The following TGFBR3 variants were observed in gnomAD, a reference collection of about 807,000 sequenced individuals.
TGFBR3 encodes transforming growth factor beta receptor type 3.
A neutral mutation model predicts 87.9 loss-of-function variants in TGFBR3; 46 were observed. The ratio of observed to expected loss-of-function variants is 0.52; its 90% CI spans 0.41 to 0.67. The LOEUF is 0.67. Among genes scored for constraint, TGFBR3 ranks in the 30% least tolerant of loss-of-function variants. The pLI is 0.00. For missense variants in TGFBR3, 866 were observed against 1,041.9 expected (o/e 0.83, Z 2.32); for synonymous variants, 381 against 391.6 (o/e 0.97, Z 0.32).
intron 5 of TGFBR3, among the ~76,000 whole-genome samples, chr1:91,730,595 A>G (rs1672732830): frequency 6.6e-6 from 1 of 152,194 alleles, no homozygotes; most frequent in Admixed American, 6.5e-5. Context: ...TTTCATGGTC[A>G]GCGTATTTAA....
intron 3 of TGFBR3, chr1:91,783,153 A>T (rs1304034287): frequency 6.6e-6 from 1 of 152,236 alleles, no homozygotes; most frequent in African/African-American, 2.4e-5. Context: ...AGTGAGAATC[A>T]GTAACACCTC....
chr1:91,859,268 T>G (rs1030827195), intron 2 of TGFBR3, among the ~76,000 whole-genome samples: 2 of 152,106 alleles, frequency 1.3e-5, no homozygotes, highest in Non-Finnish European at 2.9e-5. Context: ...ATAAAGTGCC[T>G]TCTTCAGTTG....
chr1:91,741,660 T>C (rs1035680058), intron 4 of TGFBR3, among the ~76,000 whole-genome samples: 1 of 152,056 alleles, frequency 6.6e-6, no homozygotes, highest in African/African-American at 2.4e-5. Context: ...CTCACCAGCA[T>C]ACAAAAAGGT....
intron 5 of TGFBR3, among the ~76,000 whole-genome samples, chr1:91,733,764 C>T (rs1188256817): frequency 6.6e-6 from 1 of 152,156 alleles, no homozygotes; most frequent in Non-Finnish European, 1.5e-5. Flanking sequence ...TGGCCAGGTG[C>T]GGTGGCTCAT....
At chr1:91,767,393 T>C (rs1336041605) in intron 3 of TGFBR3, among the ~76,000 whole-genome samples, 1 of 132,934 alleles carries the variant, frequency 7.5e-6, no homozygotes, top group Non-Finnish European at 1.6e-5. Flanking sequence ...GAGTAATTAC[T>C]AAGACATGAA....
chr1:91,789,262 G>A (rs10783026), intron 3 of TGFBR3, among the ~76,000 whole-genome samples: 29,081 of 152,044 alleles, frequency 0.19, 3,760 homozygotes, highest in African/African-American at 0.36. Flanking sequence ...AGCCAAGATC[G>A]TGCCACTGCA....
intron 3 of TGFBR3, among the ~76,000 whole-genome samples, chr1:91,793,863 C>G (rs1675280629): frequency 2.0e-5 from 3 of 151,476 alleles, no homozygotes; most frequent in Non-Finnish European, 2.9e-5. Context: ...GCCTCTGGCC[C>G]TCCTACTATT....
In TGFBR3 at chr1:91,904,563, ATT is replaced by A. The variant is rs111512659; in HGVS notation, c.-175+1261_-175+1262del. Among the ~76,000 whole-genome samples the A allele has an allele frequency of 2.5e-3, 285 of 115,084 alleles. 1 individual carries two copies. The highest frequency in any genetic ancestry group is 8.7e-3 in the African/African-American group (266 of 30,408). 75.5% of individuals were successfully genotyped at this position (115,084 alleles called of 152,430 possible). On this transcript the variant is annotated intron_variant, in intron 1 of 17. Coordinates refer to the TGFBR3 transcript ENST00000370399. The stretch of plus-strand genomic sequence containing the variant: ...AGACGCGTGCCACCACATGCAGCTG[ATT>A]TTTTTTTTTTTTTTTTGAGGTGGAG...
intron 2 of TGFBR3, among the ~76,000 whole-genome samples, chr1:91,857,085 T>C (rs1471564042): frequency 6.6e-6 from 1 of 152,202 alleles, no homozygotes; most frequent in Non-Finnish European, 1.5e-5. Context: ...AAGCCCTTGA[T>C]AAATGACAGC....
chr1:91,747,781 A>C (rs182038471), intron 4 of TGFBR3, among the ~76,000 whole-genome samples: 2 of 152,358 alleles, frequency 1.3e-5, no homozygotes, highest in East Asian at 3.9e-4. Flanking sequence ...AATCCATTGA[A>C]AGCCATTAAG....
intron 3 of TGFBR3, among the ~76,000 whole-genome samples, chr1:91,784,395 T>C (rs1674883394): frequency 6.6e-6 from 1 of 152,168 alleles, no homozygotes; most frequent in African/African-American, 2.4e-5. Context: ...CCAATTTGCA[T>C]AATGCAAAAA....
chr1:91,729,033 TAC>T (rs56158224), intron 6 of TGFBR3, among the ~76,000 whole-genome samples: 5,761 of 89,480 alleles, frequency 0.064, 458 homozygotes, highest in African/African-American at 0.14. Context: ...CACTCCAGCA[TAC>T]ACACACACAC....
At chr1:91,788,493 G>A (rs1195034298) in intron 3 of TGFBR3, among the ~76,000 whole-genome samples, 1 of 152,206 alleles carries the variant, frequency 6.6e-6, no homozygotes, top group African/African-American at 2.4e-5. Context: ...ATAATTAAAC[G>A]TGTCTAAACT....
intron 3 of TGFBR3, among the ~76,000 whole-genome samples, chr1:91,759,948 A>G (rs1673900468): frequency 1.3e-5 from 2 of 152,168 alleles, no homozygotes; most frequent in Admixed American, 1.3e-4. Context: ...ATCTCAACAT[A>G]CTTCTACCTT....
intron 13 of TGFBR3, among the ~76,000 whole-genome samples, chr1:91,710,909 G>A (rs886804160): frequency 1.3e-5 from 2 of 152,174 alleles, no homozygotes; most frequent in Non-Finnish European, 2.9e-5. Flanking sequence ...GTCATCCCCT[G>A]AGGCTTAGAA....
intron 1 of TGFBR3, among the ~76,000 whole-genome samples, chr1:91,873,458 T>C (rs914454306): frequency 3.3e-5 from 5 of 150,194 alleles, no homozygotes; most frequent in South Asian, 2.1e-4. Flanking sequence ...AATTTTTGTA[T>C]TTTTTTTTAG....
chr1:91,831,294 G>A (rs994125959), intron 2 of TGFBR3, among the ~76,000 whole-genome samples: 2 of 152,024 alleles, frequency 1.3e-5, no homozygotes, highest in Non-Finnish European at 2.9e-5. Flanking sequence ...CTTGGCTAGA[G>A]CCCAAGGAAG....
chr1:91,695,797 C>A lies in TGFBR3; in HGVS notation c.2330-18G>T. On this transcript the variant is annotated intron_variant, in intron 15 of 16. Coordinates refer to ENST00000212355, the MANE Select transcript of TGFBR3 (RefSeq NM_003243.5). ...GAAAATTGCTATAAAGGAGAGAAAC[C>A]GATACACACAACTTTTTGGTTAGTC... is the stretch of plus-strand genomic sequence containing the variant. 1 of 1,605,918 alleles carries A rather than the reference C, an allele frequency of 6.2e-7. No individual in the cohort carries two copies. The highest frequency in any genetic ancestry group is 1.1e-5 in the South Asian group (1 of 90,902).
chr1:91,786,808 A>T (rs1187749845), intron 3 of TGFBR3, among the ~76,000 whole-genome samples: 2 of 152,144 alleles, frequency 1.3e-5, no homozygotes, highest in Non-Finnish European at 2.9e-5. Flanking sequence ...CAAAAGTTCC[A>T]AGATGGATGG....
Sources: allele counts gnomAD v4.1 joint callset (sites outside exome capture counted in the v4.1 genomes callset), GRCh38; gene constraint gnomAD v4.1.1; transcripts MANE v1.5; gene names NCBI Gene and HGNC (gene_info 2026-07-23, HGNC 2026-07-21).